The following SEC62 variants were observed in gnomAD, a reference collection of about 807,000 sequenced individuals.
SEC62 encodes translocation protein SEC62.
Under a neutral mutation model 47.5 loss-of-function variants are expected in SEC62, and 10 were observed. The observed-to-expected ratio is 0.21, with a 90% CI of 0.13 to 0.36. The LOEUF is 0.36. Ranked by LOEUF, SEC62 falls within the 10% of genes least tolerant of loss-of-function variation. SEC62 has a pLI of 1.00. For synonymous variants in SEC62, 136 were observed against 150.5 expected (o/e 0.90, Z 0.71); for missense variants, 327 against 464.1 (o/e 0.70, Z 2.71).
At chr3:169,970,900 G>C (rs997220741) in intron 1 of SEC62, among the ~76,000 whole-genome samples, 3 of 152,122 alleles carry the variant, frequency 2.0e-5, no homozygotes, top group African/African-American at 4.8e-5. Context: ...CATCAAAAGA[G>C]AACAAAGAGG....
chr3:169,986,243 T>C (rs548587146), intron 6 of SEC62, among the ~76,000 whole-genome samples: 2 of 152,176 alleles, frequency 1.3e-5, no homozygotes, highest in African/African-American at 4.8e-5. Context: ...GATAGGTATG[T>C]CTATTGTTTT....
intron 1 of SEC62, among the ~76,000 whole-genome samples, chr3:169,969,130 G>A (rs1006255106): frequency 1.3e-5 from 2 of 152,086 alleles, no homozygotes; most frequent in African/African-American, 4.8e-5. Context: ...CTGAGTTTCT[G>A]TCATTTGTTG....
At position 169,969,988 on chromosome 3, in the gene SEC62, G is replaced by A. The variant is rs149590832; in HGVS notation, c.36+3130G>A. Among the ~76,000 whole-genome samples the A allele has an allele frequency of 2.1e-3, 321 of 152,236 alleles. 2 individuals are homozygous for A. The highest frequency in any genetic ancestry group is 7.5e-3 in the African/African-American group (311 of 41,536). ...CATGGGCTTATGTGCTTAATTTCAG[G>A]ACAGGGAAGAAAAGAGAAAATTTGG... On this transcript the variant is annotated intron_variant, in intron 1 of 7. Transcript: ENST00000337002.
intron 1 of SEC62, among the ~76,000 whole-genome samples, chr3:169,973,518 C>G (rs1001036627): frequency 1.3e-5 from 2 of 151,916 alleles, no homozygotes; most frequent in African/African-American, 4.8e-5. Flanking sequence ...AAAAAATTAG[C>G]CGGACATGGT....
At position 169,995,734 on chromosome 3, in the gene SEC62, T is replaced by C. The variant is rs1287106290; in HGVS notation, c.*2671T>C. 1.3e-5 allele frequency: 2 copies of C among 152,204 alleles called. No homozygotes were observed. The highest frequency in any genetic ancestry group is 2.4e-5 in the African/African-American group (1 of 41,460). The allele number at this position is 152,204 out of a possible 1,614,324, so 9.4% of individuals were successfully genotyped here. ...ACTGCGAACACTGAATTAGCAAATA[T>C]AGAACCTAGGGGAAATACAAGGCTA... On this transcript the variant is annotated 3_prime_UTR_variant, in exon 8 of 8. Transcript: ENST00000337002.
Position 169,992,435 on chromosome 3 carries a change from T to C in SEC62, c.731-159T>C, listed in dbSNP as rs1559968433. ...TCCCAAGTAGCTTGGATTAGAGGTT[T>C]AGCCACCACGCCCAGCACTAATCAG... On this transcript the variant is annotated intron_variant, in intron 7 of 7. Transcript: ENST00000337002. The surrounding 1 kb of genome is among the most constrained non-coding windows in gnomAD (Gnocchi z 4.0). Among the ~76,000 whole-genome samples, 2 of 152,162 alleles carry C rather than the reference T, an allele frequency of 1.3e-5. No homozygotes were observed. Among genetic ancestry groups the C allele is most frequent in the Non-Finnish European group, 2.9e-5 (2 of 68,024 alleles).
At chr3:169,975,199 T>C (rs1318919321) in intron 1 of SEC62, among the ~76,000 whole-genome samples, 1 of 150,168 alleles carries the variant, frequency 6.7e-6, no homozygotes, top group Non-Finnish European at 1.5e-5. Flanking sequence ...GAGAGTCACT[T>C]GAACTCAGGA....
At chr3:169,983,035 T>C (rs971368080) in intron 4 of SEC62, 124 bp downstream of exon 4, 24 of 1,478,924 alleles carry the variant, frequency 1.6e-5, no homozygotes, top group East Asian at 6.8e-5. Flanking sequence ...AGAGTTGTTA[T>C]AAATACCGTG....
rs1414441105 is a variant in SEC62 at position 169,998,299 on chromosome 3, A to C, written c.*5236A>C. ...TTTCATGTCACAAATTTAGTAAGTT[A>C]CATGTGTTATGTGATGTTTTGTTTT... is the stretch of plus-strand genomic sequence containing the variant. On this transcript the variant is annotated 3_prime_UTR_variant, in exon 8 of 8. Coordinates refer to ENST00000337002, the MANE Select transcript of SEC62 (RefSeq NM_003262.4). 1 of 152,242 alleles carries C rather than the reference A, an allele frequency of 6.6e-6. No homozygotes were observed. Among genetic ancestry groups the C allele is most frequent in the African/African-American group, 2.4e-5 (1 of 41,468 alleles). 9.4% of individuals were successfully genotyped at this position (152,242 alleles called of 1,614,324 possible).
chr3:169,971,399 A>T (rs3772185), intron 1 of SEC62, among the ~76,000 whole-genome samples: 1 of 152,102 alleles, frequency 6.6e-6, no homozygotes, highest in East Asian at 1.9e-4. Flanking sequence ...ACAGCAATCT[A>T]TCTTTCTGGC....
At chr3:169,986,521 G>C (rs540559869) in intron 6 of SEC62, among the ~76,000 whole-genome samples, 5 of 152,092 alleles carry the variant, frequency 3.3e-5, no homozygotes, top group African/African-American at 1.2e-4. Context: ...ACATGTGCAA[G>C]GATATTATAC....
intron 7 of SEC62, among the ~76,000 whole-genome samples, chr3:169,990,942 A>G (rs1715235051): frequency 6.6e-6 from 1 of 152,222 alleles, no homozygotes; most frequent in African/African-American, 2.4e-5. Flanking sequence ...TTGTCTAAAG[A>G]AAACAAAAAC....
At chr3:169,975,406 T>C (rs1714810805) in intron 1 of SEC62, 1 of 410,660 alleles carries the variant, frequency 2.4e-6, no homozygotes. Flanking sequence ...TTTGCCTCTA[T>C]CAACTTATAT....
Position 169,992,468 on chromosome 3 carries a change from A to G in SEC62, c.731-126A>G. The G allele has an allele frequency of 1.5e-6, 1 of 675,192 alleles. No homozygotes were observed. The highest frequency in any genetic ancestry group is 1.9e-5 in the South Asian group (1 of 51,316). 41.8% of individuals were successfully genotyped at this position (675,192 alleles called of 1,614,324 possible). A position where few individuals can be genotyped will look rare whatever the true frequency, so the allele number is the denominator to read the frequency against. On this transcript the variant is annotated intron_variant, in intron 7 of 7. Transcript: ENST00000337002. The surrounding 1 kb of genome is among the most constrained non-coding windows in gnomAD (Gnocchi z 4.0). ...ACGCCCAGCACTAATCAGGATTTAA[A>G]TATTAATATTTAAGGTGTATGAAAT...
At position 169,992,119 on chromosome 3, in the gene SEC62, A is replaced by G. The variant is rs1017463923; in HGVS notation, c.731-475A>G. Among the ~76,000 whole-genome samples, 1 of 152,174 alleles carries G rather than the reference A, an allele frequency of 6.6e-6. No individual in the cohort carries two copies. Among genetic ancestry groups the G allele is most frequent in the African/African-American group, 2.4e-5 (1 of 41,448 alleles). On this transcript the variant is annotated intron_variant, in intron 7 of 7. Coordinates refer to ENST00000337002, the MANE Select transcript of SEC62 (RefSeq NM_003262.4). This position sits in a 1 kb window ranked among gnomAD's most constrained non-coding sequence, Gnocchi z 4.0. ...CTTTATTTTATTCTTTTCCTACACCATGATCTTATGAATACTTAAATTCCC... is the reference window on the plus strand; with the variant it reads ...CTTTATTTTATTCTTTTCCTACACCGTGATCTTATGAATACTTAAATTCCC...
intron 1 of SEC62, among the ~76,000 whole-genome samples, chr3:169,968,983 G>GT (rs1054667193): frequency 2.0e-5 from 3 of 152,126 alleles, no homozygotes; most frequent in African/African-American, 7.2e-5. Context: ...AAGTACCTCA[G>GT]TTTTATCATT....
rs11925852 is a variant in SEC62 at position 169,982,686 on chromosome 3, C to A, written c.252-21C>A. On this transcript the variant is annotated intron_variant, in intron 3 of 7. Transcript: ENST00000337002. Reference sequence around the variant, plus strand: ...CTCTATCTATATGGGGAGTGTAATGCCATACCTGTTTTTCCCAAAGGCTTT... The same window carrying A: ...CTCTATCTATATGGGGAGTGTAATGACATACCTGTTTTTCCCAAAGGCTTT... The A allele has an allele frequency of 5.6e-3, 9,051 of 1,602,056 alleles. 462 individuals carry two copies. In the African/African-American group the frequency reaches 0.11, roughly 19 times the overall value.
At chr3:169,977,735 A>AGCATTT (rs1714872393) in intron 3 of SEC62, among the ~76,000 whole-genome samples, 2 of 152,040 alleles carry the variant, frequency 1.3e-5, no homozygotes, top group East Asian at 3.8e-4. Flanking sequence ...CTTAATACTA[A>AGCATTT]GCATTTTCTT....
In SEC62 at chr3:169,994,281, G is replaced by A. The variant is rs1803393; in HGVS notation, c.*1218G>A. ...TTTGGAAACTCTTGTTTACTTATGA[G>A]CATAATCATTCCTTGGAGTTATACT... On this transcript the variant is annotated 3_prime_UTR_variant, in exon 8 of 8. Transcript: ENST00000337002. 1 of 152,520 alleles carries A rather than the reference G, an allele frequency of 6.6e-6. No homozygotes were observed. The highest frequency in any genetic ancestry group is 6.5e-5 in the Admixed American group (1 of 15,270). The allele number at this position is 152,520 out of a possible 1,614,324, so 9.4% of individuals were successfully genotyped here. A position where few individuals can be genotyped will look rare whatever the true frequency, so the allele number is the denominator to read the frequency against.
Sources: allele counts gnomAD v4.1 joint callset (sites outside exome capture counted in the v4.1 genomes callset), GRCh38; gene constraint gnomAD v4.1.1; non-coding constraint Gnocchi (gnomAD v3.1); transcripts MANE v1.5; gene names NCBI Gene and HGNC (gene_info 2026-07-23, HGNC 2026-07-21).